Variants in F8 observed in about 807,000 individuals in gnomAD.
The protein encoded by F8 is coagulation factor VIII.
Under a neutral mutation model 140.6 loss-of-function variants are expected in F8, and 12 were observed. The ratio of observed to expected loss-of-function variants is 0.09; its 90% CI spans 0.05 to 0.14. The LOEUF (loss-of-function observed/expected upper bound fraction) is 0.14. Among genes scored for constraint, F8 ranks in the 10% least tolerant of loss-of-function variants. F8 has a pLI of 1.00. For missense variants in F8, 1,354 were observed against 1,720.7 expected (o/e 0.79, Z 3.77); for synonymous variants, 585 against 614.6 (o/e 0.95, Z 0.71).
chrX:154,916,063 T>C (rs1557277081), intron 14 of F8, among the ~76,000 whole-genome samples: 1 of 112,571 alleles, frequency 8.9e-6, no homozygotes. Context: ...TTGAAATAAA[T>C]ATATGGTTTT....
At chrX:154,952,991 CTT>C in intron 12 of F8, among the ~76,000 whole-genome samples, 1 of 112,273 alleles carries the variant, frequency 8.9e-6, no homozygotes, top group Non-Finnish European at 1.9e-5. Context: ...TGAGAACACT[CTT>C]TTATCCACAA....
chrX:154,906,170 A>C (rs782335226), intron 15 of F8, among the ~76,000 whole-genome samples: 1 of 111,902 alleles, frequency 8.9e-6, no homozygotes, highest in South Asian at 3.7e-4. Flanking sequence ...ATACATAGGA[A>C]GTGTTTTTAA....
intron 13 of F8, among the ~76,000 whole-genome samples, chrX:154,947,033 G>A (rs1557280343): frequency 9.1e-6 from 1 of 109,461 alleles, no homozygotes; most frequent in African/African-American, 3.3e-5. Flanking sequence ...AGACCATCCT[G>A]GCTAACACGG....
At chrX:154,948,417 T>C in intron 12 of F8, among the ~76,000 whole-genome samples, 1 of 112,099 alleles carries the variant, frequency 8.9e-6, no homozygotes, top group East Asian at 2.8e-4. Context: ...GTAAAAGATA[T>C]CTTTATTCAC....
intron 15 of F8, among the ~76,000 whole-genome samples, chrX:154,905,396 A>G (rs1433256288): frequency 6.3e-5 from 7 of 111,958 alleles, no homozygotes; most frequent in Admixed American, 4.7e-4. Flanking sequence ...TATCTTTTAA[A>G]AAAGGCTTAC....
chrX:154,977,556 G>A (rs1466688149), intron 6 of F8: 16 of 107,657 alleles, frequency 1.5e-4, no homozygotes, highest in Non-Finnish European at 2.7e-4. Flanking sequence ...TCCTTGGCTG[G>A]CAGGTGTTTT....
intron 1 of F8, among the ~76,000 whole-genome samples, chrX:155,000,966 T>C (rs1027175038): frequency 1.1e-4 from 12 of 111,514 alleles, no homozygotes; most frequent in Non-Finnish European, 2.1e-4. Flanking sequence ...CAGCTTCTGA[T>C]TGTAAGTATT....
chrX:154,902,021 T>C lies in F8; in HGVS notation c.6115+30A>G, dbSNP rs782178912. 6 of 976,477 alleles carry C rather than the reference T, an allele frequency of 6.1e-6. No individual in the cohort carries two copies. The Admixed American group carries it at 1.3e-4, about 21-fold the overall frequency. 80.5% of individuals were successfully genotyped at this position (976,477 alleles called of 1,213,427 possible). A position where few individuals can be genotyped will look rare whatever the true frequency, so the allele number is the denominator to read the frequency against. On this transcript the variant is annotated intron_variant, in intron 19 of 25. Coordinates refer to ENST00000360256, the MANE Select transcript of F8 (RefSeq NM_000132.4). ...GCTGTAAAGAAGTAGGCTGAGTAGGTAGGGAACCTCTGCCCACATTGCTAC... is the reference window on the plus strand; with the variant it reads ...GCTGTAAAGAAGTAGGCTGAGTAGGCAGGGAACCTCTGCCCACATTGCTAC...
At chrX:154,939,317 T>G (rs1285662080) in intron 13 of F8, among the ~76,000 whole-genome samples, 1 of 112,137 alleles carries the variant, frequency 8.9e-6, no homozygotes, top group African/African-American at 3.2e-5. Context: ...ACTCCCACCC[T>G]AATACTGCGC....
intron 22 of F8, among the ~76,000 whole-genome samples, chrX:154,892,463 A>G (rs1557275237): frequency 1.8e-5 from 2 of 112,235 alleles, no homozygotes; most frequent in African/African-American, 6.5e-5. Flanking sequence ...CCATAGTATC[A>G]CTGGTGATAA....
chrX:154,920,020 T>A lies in F8; in HGVS notation c.5219+8551A>T, dbSNP rs782243543. 4 of 178,806 alleles carry A rather than the reference T, an allele frequency of 2.2e-5. No homozygotes were observed. In the South Asian group the frequency reaches 4.7e-4, roughly 21 times the overall value. The allele number at this position is 178,806 out of a possible 1,213,427, so 14.7% of individuals were successfully genotyped here. ...TGTAAAAAGCTTACACCAGCTTTTG[T>A]CATATGTGCCTGTACAGCTTCTGTT... On this transcript the variant is annotated intron_variant, in intron 14 of 25. Transcript: ENST00000360256.
At chrX:154,960,344 G>A (rs1557281510) in intron 10 of F8, among the ~76,000 whole-genome samples, 1 of 111,420 alleles carries the variant, frequency 9.0e-6, no homozygotes, top group African/African-American at 3.3e-5. Flanking sequence ...CTTAAAAATG[G>A]ATGCCTCTAG....
At chrX:154,988,284 C>T (rs1345311652) in intron 4 of F8, among the ~76,000 whole-genome samples, 2 of 112,227 alleles carry the variant, frequency 1.8e-5, no homozygotes, top group Non-Finnish European at 3.8e-5. Context: ...TACTTTGACA[C>T]AAAGAAGCAG....
At chrX:154,879,301 A>AT (rs2072841390) in intron 22 of F8, among the ~76,000 whole-genome samples, 1 of 112,382 alleles carries the variant, frequency 8.9e-6, no homozygotes, top group East Asian at 2.8e-4. Flanking sequence ...ACATATATAT[A>AT]AATGGAATAG....
chrX:154,913,570 C>A (rs782434063), intron 14 of F8, among the ~76,000 whole-genome samples: 1 of 112,699 alleles, frequency 8.9e-6, no homozygotes, highest in Non-Finnish European at 1.9e-5. Flanking sequence ...GGGGTACAGG[C>A]ATTGGGTAAA....
intron 13 of F8, among the ~76,000 whole-genome samples, chrX:154,946,665 A>G (rs2073306499): frequency 8.9e-6 from 1 of 111,911 alleles, no homozygotes; most frequent in Non-Finnish European, 1.9e-5. Flanking sequence ...TTGGTCTGGG[A>G]AAGATTTTGC....
At position 154,863,100 on chromosome X, in the gene F8, A is replaced by G. The variant is rs1336216314; in HGVS notation, c.6557T>C (p.Met2186Thr). Residue 2186 changes from methionine (M) to threonine (T), a missense_variant, in exon 23 of 26, where the codon ATG (methionine) becomes ACG (threonine). This residue lies in a region of F8 where 316 missense variants were observed against 485.4 expected (regional missense o/e 0.65). Coordinates refer to ENST00000360256, the MANE Select transcript of F8 (RefSeq NM_000132.4). Reference protein sequence around the residue: ...SIRSTLRMELMGCDLNSCSMP... With the variant: ...SIRSTLRMELTGCDLNSCSMP... ...GCACTTACTATTTAAATCACAGCCCATCAACTCCATGCGAAGAGTGCTGCG... is the reference window on the plus strand; with the variant it reads ...GCACTTACTATTTAAATCACAGCCCGTCAACTCCATGCGAAGAGTGCTGCG... 1 of 1,209,778 alleles carries G rather than the reference A, an allele frequency of 8.3e-7. No homozygotes were observed. The highest frequency in any genetic ancestry group is 3.0e-5 in the East Asian group (1 of 33,774).
At position 154,929,408 on chromosome X, in the gene F8, T is replaced by G; in HGVS notation, c.4382A>C (p.Asn1461Thr). ...CAAGGTTAGAATGGCTAAAGAAAGG[T>G]TATTTTTTTTGGCTCCTTGTAAGAA... ...SHFLQGAKKN[N>T]LSLAILTLEM... Residue 1461 changes from asparagine to threonine, a missense_variant, in exon 14 of 26, where the codon AAC becomes ACC. By Grantham distance (65) the Asn-to-Thr change is moderately conservative. This residue lies in a region of F8 where 658 missense variants were observed against 666.5 expected (regional missense o/e 0.99). Coordinates refer to ENST00000360256, the MANE Select transcript of F8 (RefSeq NM_000132.4). The G allele has an allele frequency of 8.3e-7, 1 of 1,211,415 alleles. No homozygotes were observed. Among genetic ancestry groups the G allele is most frequent in the Non-Finnish European group, 1.1e-6 (1 of 895,338 alleles).
At chrX:154,939,682 C>A (rs879957041) in intron 13 of F8, among the ~76,000 whole-genome samples, 2 of 112,255 alleles carry the variant, frequency 1.8e-5, no homozygotes, top group Non-Finnish European at 3.8e-5. Flanking sequence ...TCTCCCAGCA[C>A]GCAGCTTGAG....
Sources: gnomAD v4.1 joint callset for allele counts (sites outside exome capture counted in the v4.1 genomes callset) on GRCh38, gnomAD v4.1.1 for gene constraint, gnomAD v4.1.1 regional missense constraint, MANE v1.5 for transcripts, NCBI Gene and HGNC (gene_info 2026-07-23, HGNC 2026-07-21) for gene names.